The following ABCC11 variants were observed in gnomAD, a reference collection of about 807,000 sequenced individuals.
ABCC11 encodes the protein ATP binding cassette subfamily C member 11.
In ABCC11, 135 loss-of-function variants were observed where a neutral mutation model predicts 149.3. The ratio of observed to expected loss-of-function variants is 0.90; its 90% confidence interval spans 0.79 to 1.04. ABCC11 has a LOEUF of 1.04. ABCC11 is among the 50% of genes least tolerant of loss of function. ABCC11 has a pLI of 0.00. For synonymous variants in ABCC11, 665 were observed against 671.4 expected (o/e 0.99, Z 0.15); for missense variants, 1,680 against 1,722.1 (o/e 0.98, Z 0.43).
At chr16:48,245,605 C>T (rs549855311) in intron 1 of ABCC11, among the ~76,000 whole-genome samples, 1 of 152,120 alleles carries the variant, frequency 6.6e-6, no homozygotes, top group Non-Finnish European at 1.5e-5. Context: ...TTAGCCCCTC[C>T]GTCCCAGGGA....
intron 25 of ABCC11, among the ~76,000 whole-genome samples, chr16:48,176,443 C>T (rs1484434555): frequency 6.6e-6 from 1 of 151,914 alleles, no homozygotes; most frequent in Non-Finnish European, 1.5e-5. Context: ...GAGGAGGAGA[C>T]AGAGGCTGGT....
chr16:48,227,737 T>A lies in ABCC11; in HGVS notation c.395+69A>T, dbSNP rs1970167204. 4 of 1,601,752 alleles carry A rather than the reference T, an allele frequency of 2.5e-6. No individual in the cohort carries two copies. The Admixed American group carries it at 6.7e-5, about 27-fold the overall frequency. On this transcript the variant is annotated intron_variant, in intron 4 of 29. Coordinates refer to ENST00000356608, the MANE Select transcript of ABCC11 (RefSeq NM_001370497.1). ...GGCCCCTCCCTACCACCCTTAGGCA[T>A]CTCTGGTCATTATCCCACCAAGAGA...
At chr16:48,232,278 C>T (rs16945990) in intron 1 of ABCC11, 22,943 of 198,986 alleles carry the variant, frequency 0.12, 1,721 homozygotes, top group African/African-American at 0.23. Context: ...CAGTCTTTAA[C>T]TGTGTATTTG....
intron 1 of ABCC11, among the ~76,000 whole-genome samples, chr16:48,237,861 T>G (rs1970765322): frequency 6.6e-6 from 1 of 152,236 alleles, no homozygotes; most frequent in Admixed American, 6.5e-5. Context: ...CCCTAATCTT[T>G]GCATTGATTT....
chr16:48,182,755 C>T (rs1350257899), intron 23 of ABCC11, among the ~76,000 whole-genome samples: 4 of 150,554 alleles, frequency 2.7e-5, no homozygotes, highest in African/African-American at 4.9e-5. Context: ...TGCACTCCAG[C>T]CTGGGCAACA....
chr16:48,236,393 C>T (rs1302310262), intron 1 of ABCC11, among the ~76,000 whole-genome samples: 1 of 152,212 alleles, frequency 6.6e-6, no homozygotes, highest in Non-Finnish European at 1.5e-5. Context: ...CTCCATACCA[C>T]CTTCTGCATA....
chr16:48,190,540 C>A (rs187136674), intron 20 of ABCC11, among the ~76,000 whole-genome samples: 60 of 152,080 alleles, frequency 3.9e-4, no homozygotes, highest in African/African-American at 1.3e-3. Flanking sequence ...ATTTTTATAT[C>A]TTTGGTAGAG....
At chr16:48,209,233 A>C (rs1192272360) in intron 11 of ABCC11, 2 of 152,290 alleles carry the variant, frequency 1.3e-5, no homozygotes, top group East Asian at 3.9e-4. Flanking sequence ...CCCGGGCTCT[A>C]AGGGCAGTGA....
chr16:48,170,649 G>T (rs1224824335), intron 27 of ABCC11, among the ~76,000 whole-genome samples: 3 of 152,198 alleles, frequency 2.0e-5, no homozygotes, highest in Non-Finnish European at 4.4e-5. Context: ...GGAGGACAAA[G>T]ACCTCATCTG....
Position 48,167,106 on chromosome 16 carries a change from C to G in ABCC11, c.*168G>C. ...AAGGTCTTGAGAGCCATCAAGTAGCCTATTCCAGGGTTTCCATCCAGCAAT... is the reference window on the plus strand; with the variant it reads ...AAGGTCTTGAGAGCCATCAAGTAGCGTATTCCAGGGTTTCCATCCAGCAAT... On this transcript the variant is annotated 3_prime_UTR_variant, in exon 30 of 30. Transcript: ENST00000356608. 1 of 617,952 alleles carries G rather than the reference C, an allele frequency of 1.6e-6. No homozygotes were observed. The highest frequency in any genetic ancestry group is 1.9e-5 in the South Asian group (1 of 52,620). The allele number at this position is 617,952 out of a possible 1,614,324, so 38.3% of individuals were successfully genotyped here.
At chr16:48,188,896 A>G (rs1966847883) in intron 20 of ABCC11, among the ~76,000 whole-genome samples, 1 of 152,192 alleles carries the variant, frequency 6.6e-6, no homozygotes. Flanking sequence ...GCCAAACTCA[A>G]AGAAAGAGGA....
At chr16:48,200,628 G>A (rs948354438) in intron 14 of ABCC11, 149 bp from the exon 15 acceptor site, 5 of 806,922 alleles carry the variant, frequency 6.2e-6, no homozygotes, top group Non-Finnish European at 9.4e-6. Flanking sequence ...TGGCATTCTG[G>A]ACTTAAAAAT....
intron 4 of ABCC11, among the ~76,000 whole-genome samples, chr16:48,226,072 C>CATTATTATTATTATT (rs141311389): frequency 0.025 from 3,730 of 150,164 alleles, 170 homozygotes; most frequent in African/African-American, 0.085. Flanking sequence ...TTTCCAGGTA[C>CATTATTATTATTATT]ATTATTATTA....
chr16:48,171,578 T>G (rs762944969), intron 26 of ABCC11, among the ~76,000 whole-genome samples: 44 of 152,386 alleles, frequency 2.9e-4, no homozygotes, highest in Non-Finnish European at 3.5e-4. Flanking sequence ...ACATAATATT[T>G]ATCATTTTAA....
chr16:48,169,391 T>G (rs1239040094), intron 28 of ABCC11, among the ~76,000 whole-genome samples: 1 of 152,160 alleles, frequency 6.6e-6, no homozygotes, highest in African/African-American at 2.4e-5. Context: ...TTAATTTTTG[T>G]AGAAGGTGTA....
intron 23 of ABCC11, among the ~76,000 whole-genome samples, chr16:48,179,614 G>A (rs150646699): frequency 2.0e-5 from 3 of 152,278 alleles, no homozygotes; most frequent in East Asian, 1.9e-4. Flanking sequence ...GCCTGCCCTC[G>A]AGGAGATCCC....
chr16:48,202,837 A>T (rs1448940594), intron 14 of ABCC11, among the ~76,000 whole-genome samples: 1 of 152,156 alleles, frequency 6.6e-6, no homozygotes, highest in Non-Finnish European at 1.5e-5. Context: ...GTGGCTGCAG[A>T]TGTAAAAGAT....
intron 26 of ABCC11, among the ~76,000 whole-genome samples, chr16:48,172,854 T>G (rs1318477805): frequency 6.6e-6 from 1 of 152,238 alleles, no homozygotes; most frequent in African/African-American, 2.4e-5. Context: ...GGAATCTATC[T>G]GGACTTTACA....
intron 19 of ABCC11, 105 bp from the exon 20 acceptor site, chr16:48,192,822 G>T: frequency 8.2e-7 from 1 of 1,219,448 alleles, no homozygotes; most frequent in Non-Finnish European, 1.2e-6. Context: ...CTGGTAGAAG[G>T]TGAAGCTGTT....
Sources: allele counts gnomAD v4.1 joint callset (sites outside exome capture counted in the v4.1 genomes callset), GRCh38; gene constraint gnomAD v4.1.1; transcripts MANE v1.5; gene names NCBI Gene and HGNC (gene_info 2026-07-23, HGNC 2026-07-21).